The following TBCE variants were observed in gnomAD, a reference collection of about 807,000 sequenced individuals.
TBCE encodes the protein tubulin-specific chaperone E.
A neutral mutation model predicts 77.0 loss-of-function variants in TBCE; 53 were observed. That is an observed-to-expected ratio of 0.69 (90% CI 0.55 to 0.87). The LOEUF is 0.87. Among genes scored for constraint, TBCE ranks in the 40% least tolerant of loss-of-function variants. TBCE has a pLI of 0.00. For synonymous variants in TBCE, 235 were observed against 241.3 expected, an observed-to-expected ratio of 0.97 and a Z score of 0.24; for missense variants, 624 against 622.4, an observed-to-expected ratio of 1.00 and a Z score of -0.03.
intron 15 of TBCE, among the ~76,000 whole-genome samples, chr1:235,443,703 TCTC>T (rs1254742722): frequency 6.6e-6 from 1 of 152,126 alleles, no homozygotes; most frequent in Non-Finnish European, 1.5e-5. Context: ...ACATTCTACT[TCTC>T]CTGACTGATT....
intron 4 of TBCE, chr1:235,418,972 G>A: frequency 5.3e-6 from 1 of 187,554 alleles, no homozygotes; most frequent in South Asian, 1.1e-4. Flanking sequence ...TTTGGGAGGC[G>A]GAGGTGGGTG....
At position 235,371,664 on chromosome 1, in the gene TBCE, C is replaced by T. The variant is rs148838678; in HGVS notation, c.-32+4160C>T. ...GTGTTAGGATTACAGGCGTGAGCTACAGCACCCGGCCCCACCTTTTTTTCT... is the reference window on the plus strand; with the variant it reads ...GTGTTAGGATTACAGGCGTGAGCTATAGCACCCGGCCCCACCTTTTTTTCT... On this transcript the variant is annotated intron_variant, in intron 1 of 16. Transcript: ENST00000642610. Among the ~76,000 whole-genome samples, 251 of 151,846 alleles carry T rather than the reference C, an allele frequency of 1.7e-3. 1 individual carries two copies. The highest frequency in any genetic ancestry group is 5.8e-3 in the African/African-American group (239 of 41,400).
chr1:235,405,837 T>G (rs1160915665), intron 3 of TBCE, among the ~76,000 whole-genome samples: 3 of 152,132 alleles, frequency 2.0e-5, no homozygotes, highest in African/African-American at 7.2e-5. Flanking sequence ...ACACGAGTAT[T>G]ATGTTGTACT....
At chr1:235,380,511 G>A (rs910739905) in intron 2 of TBCE, among the ~76,000 whole-genome samples, 16 of 151,918 alleles carry the variant, frequency 1.1e-4, no homozygotes, top group Middle Eastern at 3.2e-3. Context: ...TAATCCACGT[G>A]TGTAGGTATC....
At chr1:235,391,600 CTT>C (rs58265980) in intron 2 of TBCE, among the ~76,000 whole-genome samples, 10 of 85,408 alleles carry the variant, frequency 1.2e-4, no homozygotes, top group African/African-American at 5.0e-4. Context: ...GCTTCATTTC[CTT>C]TTTTTTTTTT....
Position 235,397,499 on chromosome 1 carries a change from C to T in TBCE, c.101-4004C>T, listed in dbSNP as rs148211525. Among the ~76,000 whole-genome samples, 840 of 152,296 alleles carry T rather than the reference C, an allele frequency of 5.5e-3. 8 individuals carry two copies. Among genetic ancestry groups the T allele is most frequent in the African/African-American group, 0.02 (816 of 41,574 alleles). ...AAGTGCTGGGATTACAGGCGTAAGC[C>T]ACCGCGTCCGGCACTTTGTTGATTG... On this transcript the variant is annotated intron_variant, in intron 2 of 16. Coordinates refer to ENST00000642610, the MANE Select transcript of TBCE (RefSeq NM_003193.5).
chr1:235,440,946 T>C (rs1270614785), intron 13 of TBCE: 1 of 152,252 alleles, frequency 6.6e-6, no homozygotes, highest in Non-Finnish European at 1.5e-5. Context: ...TTTTATGTTA[T>C]TTCCTTTTTT....
chr1:235,429,666 T>A (rs1230025393), intron 6 of TBCE: 3 of 152,150 alleles, frequency 2.0e-5, no homozygotes, highest in African/African-American at 7.2e-5. Flanking sequence ...TCCTGAATAT[T>A]TAATTTGTTT....
At chr1:235,404,231 C>T (rs532819769) in intron 3 of TBCE, among the ~76,000 whole-genome samples, 96 of 151,434 alleles carry the variant, frequency 6.3e-4, no homozygotes, top group African/African-American at 2.0e-3. Flanking sequence ...GAGCTGAGGT[C>T]GTGCCACTGC....
chr1:235,444,605 A>C (rs1034362746), intron 15 of TBCE, among the ~76,000 whole-genome samples: 2 of 152,212 alleles, frequency 1.3e-5, no homozygotes, highest in African/African-American at 2.4e-5. Context: ...AAGCCTCGCT[A>C]TGTTGCTAAG....
chr1:235,424,824 A>G (rs1350353927), intron 5 of TBCE, among the ~76,000 whole-genome samples: 1 of 151,962 alleles, frequency 6.6e-6, no homozygotes, highest in Non-Finnish European at 1.5e-5. Flanking sequence ...TATCTTTAGT[A>G]GAGACAGGGT....
At chr1:235,387,216 G>T (rs1351375374) in intron 2 of TBCE, among the ~76,000 whole-genome samples, 1 of 152,196 alleles carries the variant, frequency 6.6e-6, no homozygotes, top group African/African-American at 2.4e-5. Context: ...TGCTGGGGGT[G>T]CCTCCCAGTT....
At chr1:235,433,686 G>A (rs1681237204) in intron 7 of TBCE, 1 of 157,000 alleles carries the variant, frequency 6.4e-6, no homozygotes, top group Admixed American at 6.2e-5. Context: ...GAGAATCATG[G>A]ATGTAGAATA....
intron 6 of TBCE, among the ~76,000 whole-genome samples, chr1:235,427,791 G>C (rs1453770882): frequency 1.3e-5 from 2 of 152,162 alleles, no homozygotes; most frequent in Non-Finnish European, 2.9e-5. Flanking sequence ...AGCATTTTGG[G>C]AGTCTGAGGC....
chr1:235,386,618 C>A (rs1187387319), intron 2 of TBCE, among the ~76,000 whole-genome samples: 1 of 152,128 alleles, frequency 6.6e-6, no homozygotes, highest in Non-Finnish European at 1.5e-5. Context: ...GCATTCTTCA[C>A]GTAGTTCTTG....
At position 235,439,434 on chromosome 1, in the gene TBCE, T is replaced by C. The variant is rs1681686578; in HGVS notation, c.1270+512T>C. Among the ~76,000 whole-genome samples the C allele has an allele frequency of 2.0e-5, 3 of 146,758 alleles. No homozygotes were observed. In the South Asian group the frequency reaches 6.7e-4, roughly 33 times the overall value. ...TGGTGTGAACCCGGGGGGCGGAGCT[T>C]GCAGTGAGCCGAGATCACACCACTG... On this transcript the variant is annotated intron_variant, in intron 13 of 16. Coordinates refer to ENST00000642610, the MANE Select transcript of TBCE (RefSeq NM_003193.5).
At chr1:235,395,759 GCT>G (rs1291291278) in intron 2 of TBCE, among the ~76,000 whole-genome samples, 2 of 151,928 alleles carry the variant, frequency 1.3e-5, no homozygotes, top group East Asian at 3.9e-4. Flanking sequence ...TGGCCAGGCT[GCT>G]CTCGAACTCC....
chr1:235,399,618 C>G (rs1268439895), intron 2 of TBCE, among the ~76,000 whole-genome samples: 1 of 152,210 alleles, frequency 6.6e-6, no homozygotes, highest in Admixed American at 6.5e-5. Context: ...CAGCCCTTCC[C>G]CTGTACCTCG....
At chr1:235,400,119 A>G (rs1045375939) in intron 2 of TBCE, among the ~76,000 whole-genome samples, 1 of 151,958 alleles carries the variant, frequency 6.6e-6, no homozygotes, top group African/African-American at 2.4e-5. Context: ...TAGTCTAATA[A>G]TTATACCTCC....
Sources: gnomAD v4.1 joint callset for allele counts (sites outside exome capture counted in the v4.1 genomes callset) on GRCh38, gnomAD v4.1.1 for gene constraint, MANE v1.5 for transcripts, NCBI Gene and HGNC (gene_info 2026-07-23, HGNC 2026-07-21) for gene names.